NRK: variants seen among roughly 807,000 people sequenced by gnomAD.
The protein encoded by NRK is nik-related protein kinase.
A neutral mutation model predicts 125.2 loss-of-function variants in NRK; 67 were observed. The ratio of observed to expected loss-of-function variants is 0.54; its 90% CI spans 0.44 to 0.66. The LOEUF is 0.66. Among genes scored for constraint, NRK ranks in the 30% least tolerant of loss-of-function variants. The probability of loss-of-function intolerance (pLI) is 0.00; values close to 1 mark genes in which losing one functional copy is unlikely to be tolerated. For synonymous variants in NRK, 458 were observed against 429.0 expected, an observed-to-expected ratio of 1.07 and a Z score of -0.84; for missense variants, 1,224 against 1,192.9, an observed-to-expected ratio of 1.03 and a Z score of -0.38.
intron 23 of NRK, among the ~76,000 whole-genome samples, chrX:105,943,617 G>A (rs770493723): frequency 4.5e-5 from 5 of 112,165 alleles, no homozygotes; most frequent in East Asian, 2.8e-4. Flanking sequence ...ATTTTGGACC[G>A]TATTGCTATT....
intron 1 of NRK, among the ~76,000 whole-genome samples, chrX:105,828,182 A>G (rs889386761): frequency 8.9e-6 from 1 of 112,209 alleles, no homozygotes; most frequent in Non-Finnish European, 1.9e-5. Flanking sequence ...CAAAAATAGC[A>G]TATAGAACTA....
chrX:105,902,618 G>A (rs1380311134), intron 9 of NRK, among the ~76,000 whole-genome samples: 1 of 111,971 alleles, frequency 8.9e-6, no homozygotes, highest in Non-Finnish European at 1.9e-5. Context: ...ATGCCATGGG[G>A]CATAGGTTCC....
intron 19 of NRK, among the ~76,000 whole-genome samples, chrX:105,930,319 A>G (rs959597980): frequency 9.1e-5 from 10 of 109,480 alleles, no homozygotes; most frequent in African/African-American, 3.3e-4. Context: ...CTTCAAGTTC[A>G]GAAATTCTTT....
Position 105,912,363 on chromosome X carries a change from C to A in NRK, c.2242-285C>A, listed in dbSNP as rs777704502. 5.4e-5 allele frequency among the ~76,000 whole-genome samples: 6 copies of A among 110,587 alleles called. No homozygotes were observed. The East Asian group carries it at 1.4e-3, about 26-fold the overall frequency. On this transcript the variant is annotated intron_variant, in intron 13 of 28. Coordinates refer to ENST00000243300, the MANE Select transcript of NRK (RefSeq NM_198465.4). ...CTGTAGATGAACTTCAGGAGGTCAG[C>A]AATCCACCAGAAAATATATGTAATA...
chrX:105,937,719 C>T lies in NRK; in HGVS notation c.3799+137C>T, dbSNP rs749494364. On this transcript the variant is annotated intron_variant, in intron 22 of 28. Coordinates refer to ENST00000243300, the MANE Select transcript of NRK (RefSeq NM_198465.4). ...ACCTTTAATTGGGACACCAGACTTT[C>T]CTACTTATATTATCTTATCTATTTA... 1.5e-3 allele frequency: 554 copies of T among 375,754 alleles called. 1 individual carries two copies. The highest frequency in any genetic ancestry group is 2.3e-3 in the Non-Finnish European group (500 of 217,885). 31.0% of individuals were successfully genotyped at this position (375,754 alleles called of 1,213,427 possible).
intron 1 of NRK, among the ~76,000 whole-genome samples, chrX:105,826,390 A>T (rs1569284808): frequency 1.4e-5 from 1 of 72,205 alleles, no homozygotes; most frequent in Non-Finnish European, 2.3e-5. Context: ...TCATATATAT[A>T]ATATATATAT....
Position 105,924,858 on chromosome X carries a change from G to T in NRK, c.3139G>T (p.Ala1047Ser), listed in dbSNP as rs368671831. 5 of 1,209,459 alleles carry T rather than the reference G, an allele frequency of 4.1e-6. No individual in the cohort carries two copies. The African/African-American group carries it at 7.0e-5, about 17-fold the overall frequency. ...NAAIGDQEEH[A>S]ANIGSERRGS... ...AGCCATTGGAGATCAGGAAGAACAT[G>T]CAGCCAATATAGGCAGTGAAAGAAG... is the stretch of plus-strand genomic sequence containing the variant. The change falls in exon 19 of 29, where the codon GCA becomes TCA. Residue 1047 changes from alanine to serine, a missense_variant. Transcript: ENST00000243300.
At chrX:105,874,908 G>A (rs1421372344) in intron 2 of NRK, among the ~76,000 whole-genome samples, 1 of 111,698 alleles carries the variant, frequency 9.0e-6, no homozygotes, top group Non-Finnish European at 1.9e-5. Flanking sequence ...TCCCTGGATA[G>A]TTTGAAATGA....
At chrX:105,932,023 C>A (rs970531251) in intron 19 of NRK, among the ~76,000 whole-genome samples, 2 of 110,952 alleles carry the variant, frequency 1.8e-5, no homozygotes, top group African/African-American at 3.3e-5. Flanking sequence ...TCCTCTAACC[C>A]CTGATAACCT....
chrX:105,831,906 T>A lies in NRK; in HGVS notation c.123+787T>A, dbSNP rs1421169719. On this transcript the variant is annotated intron_variant, in intron 2 of 28. Coordinates refer to ENST00000243300, the MANE Select transcript of NRK (RefSeq NM_198465.4). ...TCATTATTCCCTAACCAATAAAGTG[T>A]AACAACTATTTATATAGCATTTACA... Among the ~76,000 whole-genome samples the A allele has an allele frequency of 3.6e-5, 4 of 112,075 alleles. No homozygotes were observed. In the East Asian group the frequency reaches 1.1e-3, roughly 31 times the overall value.
chrX:105,872,375 C>T (rs1451477122), intron 2 of NRK, among the ~76,000 whole-genome samples: 1 of 111,673 alleles, frequency 9.0e-6, no homozygotes, highest in East Asian at 2.8e-4. Flanking sequence ...TTGCTTAAAC[C>T]TTCTTAAAAC....
chrX:105,941,359 G>GT (rs1350995034), intron 23 of NRK, among the ~76,000 whole-genome samples: 7 of 111,035 alleles, frequency 6.3e-5, no homozygotes, highest in African/African-American at 2.3e-4. Flanking sequence ...TACTTGCCTG[G>GT]TATTTTCATA....
At chrX:105,901,891 C>T (rs185637874) in intron 9 of NRK, among the ~76,000 whole-genome samples, 3 of 110,367 alleles carry the variant, frequency 2.7e-5, no homozygotes, top group African/African-American at 9.9e-5. Context: ...TCATCATCTC[C>T]TGATTATTTC....
chrX:105,897,612 T>C (rs1303120218), intron 7 of NRK, among the ~76,000 whole-genome samples: 2 of 111,864 alleles, frequency 1.8e-5, no homozygotes, highest in Non-Finnish European at 1.9e-5. Context: ...AGGTAATTCT[T>C]GGCCCCTAAT....
At chrX:105,914,187 T>C (rs1472016524) in intron 14 of NRK, among the ~76,000 whole-genome samples, 1 of 110,706 alleles carries the variant, frequency 9.0e-6, no homozygotes, top group African/African-American at 3.3e-5. Flanking sequence ...ATGAAGTCTT[T>C]TATGGACAAC....
intron 23 of NRK, among the ~76,000 whole-genome samples, chrX:105,943,319 C>T (rs2040769869): frequency 8.9e-6 from 1 of 111,740 alleles, no homozygotes; most frequent in East Asian, 2.8e-4. Flanking sequence ...TGGTATAACA[C>T]CATTGACCAT....
chrX:105,893,043 C>G (rs993465610), intron 5 of NRK, among the ~76,000 whole-genome samples: 7 of 111,557 alleles, frequency 6.3e-5, no homozygotes. Flanking sequence ...TAGTTATATG[C>G]TCTTGTACAT....
intron 2 of NRK, among the ~76,000 whole-genome samples, chrX:105,853,096 T>C (rs2039492038): frequency 8.9e-6 from 1 of 111,754 alleles, no homozygotes; most frequent in African/African-American, 3.3e-5. Context: ...TATGACCTTT[T>C]GGTATGGTTG....
At chrX:105,935,126 G>A (rs751083288) in intron 20 of NRK, 44 bp from the exon 21 acceptor site, 2 of 1,031,683 alleles carry the variant, frequency 1.9e-6, no homozygotes, top group Non-Finnish European at 2.7e-6. Context: ...ATCATGCACA[G>A]AACTAGTAAT....
Sources: allele counts gnomAD v4.1 joint callset (sites outside exome capture counted in the v4.1 genomes callset), GRCh38; gene constraint gnomAD v4.1.1; transcripts MANE v1.5; gene names NCBI Gene and HGNC (gene_info 2026-07-23, HGNC 2026-07-21).